NCL: variants seen among roughly 807,000 people sequenced by gnomAD.
The protein encoded by NCL is nucleolin multifunctional protein.
A neutral mutation model predicts 77.7 loss-of-function variants in NCL; 4 were observed. The ratio of observed to expected loss-of-function variants is 0.05; its 90% CI spans 0.03 to 0.12. The LOEUF (loss-of-function observed/expected upper bound fraction) is 0.12, where lower values mean the gene tolerates loss of function less well. Among genes scored for constraint, NCL ranks in the 10% least tolerant of loss-of-function variants. The probability of loss-of-function intolerance (pLI) is 1.00; values close to 1 mark genes in which losing one functional copy is unlikely to be tolerated. For missense variants in NCL, 763 were observed against 860.9 expected, an observed-to-expected ratio of 0.89 and a Z score of 1.42; for synonymous variants, 344 against 297.8, an observed-to-expected ratio of 1.16 and a Z score of -1.60.
chr2:231,456,968 C>T (rs964682230), intron 10 of NCL, 33 bp downstream of exon 10: 1 of 1,611,754 alleles, frequency 6.2e-7, no homozygotes, highest in Admixed American at 1.7e-5. Context: ...ACATATATAG[C>T]CTATAACTGA....
At chr2:231,457,935 C>T in intron 8 of NCL, 135 bp from the exon 9 acceptor site, 1 of 860,982 alleles carries the variant, frequency 1.2e-6, no homozygotes, top group East Asian at 2.9e-5. Flanking sequence ...TCAATCAAAA[C>T]TCGAGCTTCC....
Position 231,461,141 on chromosome 2 carries a change from T to G in NCL, c.614-275A>C, listed in dbSNP as rs564389419. On this transcript the variant is annotated intron_variant, in intron 3 of 13. Transcript: ENST00000322723. ...TAAAAATACAAAAATTAGTAGGGTG[T>G]GGTGGTGGGCACCTGTAATCCCAGC... Among the ~76,000 whole-genome samples, 130 of 152,076 alleles carry G rather than the reference T, an allele frequency of 8.5e-4. 2 individuals carry two copies. Among genetic ancestry groups the G allele is most frequent in the Non-Finnish European group, 8.8e-5 (6 of 67,972 alleles).
In NCL at chr2:231,461,749, T is replaced by C; in HGVS notation, c.404A>G (p.Lys135Arg). ...KGAAIPAKGA[K>R]NGKNAKKEDS... The stretch of plus-strand genomic sequence containing the variant: ...TTCCTTCTTGGCATTCTTGCCATTC[T>C]TTGCCCCCTTGGCTGGGATGGCAGC... The change falls in exon 3 of 14, where the codon AAG becomes AGG. Residue 135 changes from lysine to arginine, a missense_variant. Physicochemically the swap from Lys to Arg is conservative, Grantham distance 26 (BLOSUM62 2). This residue lies in a region of NCL where 590 missense variants were observed against 570.5 expected (regional missense o/e 1.03). Coordinates refer to ENST00000322723, the MANE Select transcript of NCL (RefSeq NM_005381.3). 6.2e-7 allele frequency: 1 copy of C among 1,614,250 alleles called. No homozygotes were observed. Among genetic ancestry groups the C allele is most frequent in the Non-Finnish European group, 8.5e-7 (1 of 1,180,040 alleles).
rs773129358 is a variant in NCL at position 231,463,293 on chromosome 2, G to A, written c.42C>T (p.Pro14=). The change falls in exon 2 of 14, where the codon CCC becomes CCT. Residue 14 remains proline, a synonymous_variant. Transcript: ENST00000322723. ...LAKAGKNQGD[P]KKMAPPPKEV... is the part of the protein sequence containing the mutation. Reference sequence around the variant, plus strand: ...CCTTTGGAGGAGGAGCCATTTTCTTGGGGTCACCTTGATTTTTACCTGCCT... The same window carrying A: ...CCTTTGGAGGAGGAGCCATTTTCTTAGGGTCACCTTGATTTTTACCTGCCT... The A allele has an allele frequency of 3.1e-6, 5 of 1,610,962 alleles. No homozygotes were observed. The Admixed American group carries it at 5.1e-5, about 16-fold the overall frequency.
In NCL at chr2:231,460,571, A is replaced by G; in HGVS notation, c.812-7T>C. On this transcript the variant is annotated splice_polypyrimidine_tract_variant and splice_region_variant and intron_variant, in intron 4 of 13. Coordinates refer to ENST00000322723, the MANE Select transcript of NCL (RefSeq NM_005381.3). ...GGTGCTTCTTTGACAGGCTCTGGAC[A>G]AGATGTCAAACAATGTATCACACAT... is the stretch of plus-strand genomic sequence containing the variant. 1 of 1,614,208 alleles carries G rather than the reference A, an allele frequency of 6.2e-7. No individual in the cohort carries two copies.
Position 231,455,408 on chromosome 2 carries a change from GCCTCCCCGGCCTCTGCCACCAAAT to G in NCL, c.2025_2048del (p.Arg681_Gly688del). ...TATCTCTGCGTGCCTTACCTCCAAA[GCCTCCCCGGCCTCTGCCACCAAAT>G]CCTCCTCGGCCTCCTCTACCACCAC... On this transcript the variant is annotated inframe_deletion, in exon 13 of 14. Coordinates refer to ENST00000322723, the MANE Select transcript of NCL (RefSeq NM_005381.3). The G allele has an allele frequency of 1.2e-6, 2 of 1,613,952 alleles. No individual in the cohort carries two copies. The highest frequency in any genetic ancestry group is 1.7e-6 in the Non-Finnish European group (2 of 1,180,016).
At chr2:231,457,230 T>C (rs2046899573) in intron 9 of NCL, 106 bp from the exon 10 acceptor site, 9 of 1,465,072 alleles carry the variant, frequency 6.1e-6, no homozygotes, top group Admixed American at 1.7e-5. Flanking sequence ...TGAGTTAATA[T>C]ACAAATACTC....
intron 3 of NCL, among the ~76,000 whole-genome samples, chr2:231,461,287 A>T (rs576009590): frequency 7.1e-4 from 52 of 73,206 alleles, no homozygotes; most frequent in Admixed American, 3.9e-3. Context: ...AAAAAAATTT[A>T]AAAAAAAAAA....
At chr2:231,456,949 A>G in intron 10 of NCL, 52 bp downstream of exon 10, 1 of 1,594,734 alleles carries the variant, frequency 6.3e-7, no homozygotes, top group South Asian at 1.1e-5. Context: ...GTTCCTTTAG[A>G]CCTCTAAGAC....
At position 231,455,285 on chromosome 2, in the gene NCL, G is replaced by A. The variant is rs760466727; in HGVS notation, c.2057-18C>T. On this transcript the variant is annotated intron_variant, in intron 13 of 13. Coordinates refer to ENST00000322723, the MANE Select transcript of NCL (RefSeq NM_005381.3). ...TCCTCGCCCTACAGGAGGAAGGCAA[G>A]ACACTGTTAAAAGAATGGGTACAAA... is the stretch of plus-strand genomic sequence containing the variant. The A allele has an allele frequency of 5.0e-6, 8 of 1,613,960 alleles. No homozygotes were observed. Among genetic ancestry groups the A allele is most frequent in the Admixed American group, 1.7e-5 (1 of 59,994 alleles).
rs963802136 is a variant in NCL, at chr2:231,463,102, G to A, written c.135+98C>T. The A allele has an allele frequency of 5.8e-6, 5 of 865,538 alleles. No homozygotes were observed. The African/African-American group carries it at 8.5e-5, about 15-fold the overall frequency. The allele number at this position is 865,538 out of a possible 1,614,324, so 53.6% of individuals were successfully genotyped here. On this transcript the variant is annotated intron_variant, in intron 2 of 13. Transcript: ENST00000322723. ...TCAACCACTACAATAAGACATACCT[G>A]AATAAAATCTTATTTTTGCCACAGA...
At chr2:231,464,087 C>T in intron 1 of NCL, 3 of 1,353,092 alleles carry the variant, frequency 2.2e-6, no homozygotes, top group Non-Finnish European at 2.9e-6. Flanking sequence ...GGCCCAGCGC[C>T]CCCTCCCCGC....
intron 7 of NCL, 162 bp from the exon 8 acceptor site, chr2:231,458,551 A>G (rs1285751629): frequency 1.1e-6 from 1 of 884,838 alleles, no homozygotes. Context: ...AGCAGTGTCA[A>G]CACACAAGTG....
chr2:231,455,332 G>A, intron 13 of NCL, 65 bp from the exon 14 acceptor site: 1 of 1,613,568 alleles, frequency 6.2e-7, no homozygotes, highest in Non-Finnish European at 8.5e-7. Flanking sequence ...CCAGTGATTA[G>A]GAACCGTGAC....
At chr2:231,455,767 G>A in intron 12 of NCL, 143 bp from the exon 13 acceptor site, 8 of 1,186,180 alleles carry the variant, frequency 6.7e-6, no homozygotes, top group Non-Finnish European at 1.0e-5. Context: ...AGCTCTCTAT[G>A]GAAAACTAAC....
chr2:231,461,107 C>T lies in NCL; in HGVS notation c.614-241G>A, dbSNP rs560497248. On this transcript the variant is annotated intron_variant, in intron 3 of 13. Coordinates refer to ENST00000322723, the MANE Select transcript of NCL (RefSeq NM_005381.3). ...CAGCCTGGCCAACATGGTGAAATGT[C>T]GTCTCTACTAAAAATACAAAAATTA... 7.9e-5 allele frequency among the ~76,000 whole-genome samples: 12 copies of T among 152,038 alleles called. No homozygotes were observed. The South Asian group carries it at 2.1e-3, about 26-fold the overall frequency.
intron 8 of NCL, 145 bp downstream of exon 8, chr2:231,458,121 T>C (rs1421955956): frequency 1.3e-5 from 14 of 1,072,008 alleles, no homozygotes; most frequent in Non-Finnish European, 1.8e-5. Flanking sequence ...ATCCCCATGG[T>C]ACAGATGGGT....
At chr2:231,456,494 T>C (rs1271108469) in intron 11 of NCL, 137 bp downstream of exon 11, 1 of 1,369,572 alleles carries the variant, frequency 7.3e-7, no homozygotes, top group African/African-American at 1.4e-5. Flanking sequence ...TTTCATCAAT[T>C]ATTTCTCAGG....
Position 231,460,164 on chromosome 2 carries a change from A to G in NCL, c.1028T>C (p.Ile343Thr). 2 of 1,613,162 alleles carry G rather than the reference A, an allele frequency of 1.2e-6. No individual in the cohort carries two copies. The highest frequency in any genetic ancestry group is 1.7e-6 in the Non-Finnish European group (2 of 1,179,932). Residue 343 changes from isoleucine to threonine, a missense_variant, in exon 6 of 14, where the codon ATT becomes ACT. Physicochemically the swap from Ile to Thr is moderately conservative, Grantham distance 89. This residue lies in a region of NCL where 590 missense variants were observed against 570.5 expected (regional missense o/e 1.03). Coordinates refer to ENST00000322723, the MANE Select transcript of NCL (RefSeq NM_005381.3). ...KNDLAVVDVR[I>T]GMTRKFGYVD... ...GTGAAGCACTTACCTAGTCATACCAATTCTGACATCCACAACAGCAAGATC... is the reference window on the plus strand; with the variant it reads ...GTGAAGCACTTACCTAGTCATACCAGTTCTGACATCCACAACAGCAAGATC...
Sources: gnomAD v4.1 joint callset for allele counts (sites outside exome capture counted in the v4.1 genomes callset) on GRCh38, gnomAD v4.1.1 for gene constraint, gnomAD v4.1.1 regional missense constraint, MANE v1.5 for transcripts, NCBI Gene and HGNC (gene_info 2026-07-23, HGNC 2026-07-21) for gene names.